The following CMIP variants were observed in gnomAD, a reference collection of about 807,000 sequenced individuals.
CMIP encodes C-Maf-inducing protein.
Under a neutral mutation model 97.3 loss-of-function variants are expected in CMIP, and 13 were observed. The ratio of observed to expected loss-of-function variants is 0.13; its 90% CI spans 0.09 to 0.21. CMIP has a LOEUF of 0.21. CMIP is among the 10% of genes least tolerant of loss of function. CMIP has a pLI of 1.00. For missense variants in CMIP, 847 were observed against 1,024.9 expected (o/e 0.83, Z 2.37); for synonymous variants, 538 against 436.3 (o/e 1.23, Z -2.91).
chr16:81,453,961 C>T lies in CMIP; in HGVS notation c.300+8420C>T, dbSNP rs543928801. ...TGGGAGGAAGAGGAGAGCATGGAAG[C>T]GATGACTACTCCCACCCCAGCATCC... is the stretch of plus-strand genomic sequence containing the variant. On this transcript the variant is annotated intron_variant, in intron 1 of 20. Coordinates refer to ENST00000537098, the MANE Select transcript of CMIP (RefSeq NM_198390.3). This position sits in a 1 kb window ranked among gnomAD's most constrained non-coding sequence, Gnocchi z 4.0. Among the ~76,000 whole-genome samples, 29 of 152,212 alleles carry T rather than the reference C, an allele frequency of 1.9e-4. No homozygotes were observed. In the East Asian group the frequency reaches 5.0e-3, roughly 26 times the overall value.
intron 1 of CMIP, among the ~76,000 whole-genome samples, chr16:81,534,650 AAAAAC>A (rs1055077932): frequency 1.3e-5 from 2 of 152,144 alleles, no homozygotes; most frequent in Non-Finnish European, 2.9e-5. Flanking sequence ...CCATAAAAAA[AAAAAC>A]AAAACTATAG....
intron 1 of CMIP, among the ~76,000 whole-genome samples, chr16:81,469,542 A>G (rs1469817041): frequency 2.6e-5 from 4 of 152,094 alleles, no homozygotes; most frequent in Non-Finnish European, 5.9e-5. Context: ...TACTGTTACC[A>G]AGATTACAGA....
At chr16:81,577,559 C>T (rs1380521763) in intron 1 of CMIP, among the ~76,000 whole-genome samples, 2 of 149,092 alleles carry the variant, frequency 1.3e-5, no homozygotes, top group Non-Finnish European at 3.0e-5. Flanking sequence ...TTATCACTAT[C>T]ACCATCATCA....
At chr16:81,596,005 G>C (rs996824629) in intron 1 of CMIP, among the ~76,000 whole-genome samples, 1 of 152,084 alleles carries the variant, frequency 6.6e-6, no homozygotes, top group Non-Finnish European at 1.5e-5. Flanking sequence ...GGTGTAAGCA[G>C]GTTTCACTTT....
intron 1 of CMIP, among the ~76,000 whole-genome samples, chr16:81,523,004 G>A (rs778718776): frequency 2.0e-5 from 3 of 151,850 alleles, no homozygotes; most frequent in African/African-American, 7.3e-5. Flanking sequence ...ACAGCTCACC[G>A]CAGCTTTGAC....
intron 10 of CMIP, among the ~76,000 whole-genome samples, chr16:81,683,001 TC>T (rs1443563683): frequency 6.6e-6 from 1 of 152,224 alleles, no homozygotes; most frequent in African/African-American, 2.4e-5. Flanking sequence ...GGAGTCCAGC[TC>T]TTTTCCTGCT....
intron 1 of CMIP, among the ~76,000 whole-genome samples, chr16:81,561,108 C>G (rs2090874180): frequency 6.6e-6 from 1 of 152,192 alleles, no homozygotes; most frequent in Admixed American, 6.5e-5. Context: ...GCACATGCCA[C>G]CACGCTTGGC....
At chr16:81,541,020 C>A (rs1482748977) in intron 1 of CMIP, among the ~76,000 whole-genome samples, 1 of 148,788 alleles carries the variant, frequency 6.7e-6, no homozygotes, top group Non-Finnish European at 1.5e-5. Flanking sequence ...AGTCCGTGGG[C>A]TTATTTGTTT....
intron 1 of CMIP, among the ~76,000 whole-genome samples, chr16:81,481,323 C>G (rs191485144): frequency 8.1e-4 from 124 of 152,268 alleles, no homozygotes; most frequent in Non-Finnish European, 1.5e-3. Flanking sequence ...CTCATTCCAG[C>G]CTCATGGCAG....
chr16:81,593,851 G>C (rs1023396386), intron 1 of CMIP, among the ~76,000 whole-genome samples: 22 of 152,128 alleles, frequency 1.4e-4, no homozygotes, highest in African/African-American at 5.1e-4. Context: ...CACCTGTGCT[G>C]AGCACGCCAC....
intron 1 of CMIP, among the ~76,000 whole-genome samples, chr16:81,560,527 A>G (rs960391662): frequency 6.6e-6 from 1 of 152,032 alleles, no homozygotes; most frequent in African/African-American, 2.4e-5. Context: ...CAGAAAAACA[A>G]TTTTTTACAA....
chr16:81,500,056 T>C (rs1000916265), intron 1 of CMIP, among the ~76,000 whole-genome samples: 1 of 152,090 alleles, frequency 6.6e-6, no homozygotes, highest in South Asian at 2.1e-4. Context: ...CCTGGGGCAA[T>C]CGGCCTTCTT....
chr16:81,648,157 C>G (rs1157029476), intron 3 of CMIP, among the ~76,000 whole-genome samples: 2 of 141,762 alleles, frequency 1.4e-5, no homozygotes, highest in South Asian at 2.3e-4. Flanking sequence ...TCTTCAGGAT[C>G]TCTTGGCAAA....
chr16:81,451,611 C>G (rs1217054194), intron 1 of CMIP, among the ~76,000 whole-genome samples: 4 of 152,172 alleles, frequency 2.6e-5, no homozygotes, highest in African/African-American at 9.7e-5. Context: ...GGGGTTATTG[C>G]TACCTGGAGT....
At chr16:81,452,523 C>T (rs78875063) in intron 1 of CMIP, among the ~76,000 whole-genome samples, 2,020 of 152,096 alleles carry the variant, frequency 0.013, 34 homozygotes, top group African/African-American at 0.045. Flanking sequence ...TGACAGGGAT[C>T]GTGGAGAAAA....
chr16:81,574,322 T>C (rs529422540), intron 1 of CMIP, among the ~76,000 whole-genome samples: 1 of 150,852 alleles, frequency 6.6e-6, no homozygotes, highest in Admixed American at 6.6e-5. Context: ...CTTCTGGGGC[T>C]GCCTGTAGCC....
intron 1 of CMIP, among the ~76,000 whole-genome samples, chr16:81,488,099 ACTGCT>A (rs762948764): frequency 0.74 from 112,067 of 152,066 alleles, 41,532 homozygotes; most frequent in East Asian, 0.87. Context: ...GTAAACTGAG[ACTGCT>A]GCATGACTTT....
At chr16:81,705,915 G>A (rs969868661) in intron 19 of CMIP, among the ~76,000 whole-genome samples, 2 of 152,190 alleles carry the variant, frequency 1.3e-5, no homozygotes, top group African/African-American at 2.4e-5. Context: ...CGGGGCTGTA[G>A]TACATTGCCA....
intron 1 of CMIP, among the ~76,000 whole-genome samples, chr16:81,544,450 A>G (rs1262022202): frequency 2.1e-5 from 3 of 140,280 alleles, no homozygotes; most frequent in East Asian, 4.4e-4. Flanking sequence ...GTGTGCGCGC[A>G]CACAGGAAAC....
Sources: allele counts gnomAD v4.1 joint callset (sites outside exome capture counted in the v4.1 genomes callset), GRCh38; gene constraint gnomAD v4.1.1; non-coding constraint Gnocchi (gnomAD v3.1); transcripts MANE v1.5; gene names NCBI Gene and HGNC (gene_info 2026-07-23, HGNC 2026-07-21).